TACC1: variants seen among roughly 807,000 people sequenced by gnomAD.
TACC1 encodes transforming acidic coiled-coil-containing protein 1.
In TACC1, 48 loss-of-function variants were observed where a neutral mutation model predicts 84.4. The observed-to-expected ratio is 0.57, with a 90% CI of 0.45 to 0.72. The LOEUF (loss-of-function observed/expected upper bound fraction) is 0.72, where lower values mean the gene tolerates loss of function less well. TACC1 is among the 30% of genes least tolerant of loss of function. TACC1 has a pLI of 0.00. For synonymous variants in TACC1, 372 were observed against 376.3 expected (o/e 0.99, Z 0.13); for missense variants, 920 against 973.0 (o/e 0.95, Z 0.72).
intron 2 of TACC1, among the ~76,000 whole-genome samples, chr8:38,791,478 G>C (rs1256772406): frequency 5.3e-5 from 8 of 152,154 alleles, no homozygotes; most frequent in African/African-American, 1.7e-4. Flanking sequence ...TGCAACATCC[G>C]GAGCTAGTCC....
At chr8:38,783,425 CTTT>C (rs781284271), upstream of TACC1, among the ~76,000 whole-genome samples, 8 of 141,512 alleles carry the variant, frequency 5.7e-5, no homozygotes, top group Non-Finnish European at 3.1e-5. Flanking sequence ...AGAGTATTTT[CTTT>C]TTTTTTTTTT....
At chr8:38,795,144 T>A (rs535349802) in intron 2 of TACC1, among the ~76,000 whole-genome samples, 17 of 152,344 alleles carry the variant, frequency 1.1e-4, no homozygotes, top group African/African-American at 4.1e-4. Flanking sequence ...AGGAAGCACC[T>A]GCTTCTATAT....
At chr8:38,801,054 A>G (rs1287477613) in intron 2 of TACC1, among the ~76,000 whole-genome samples, 1 of 152,204 alleles carries the variant, frequency 6.6e-6, no homozygotes, top group Non-Finnish European at 1.5e-5. Flanking sequence ...TATATTCTTT[A>G]GAGAAATGTC....
At chr8:38,825,556 CA>C (rs1827856803) in intron 4 of TACC1, among the ~76,000 whole-genome samples, 188 bp downstream of exon 4, 1 of 151,832 alleles carries the variant, frequency 6.6e-6, no homozygotes, top group Non-Finnish European at 1.5e-5. Flanking sequence ...AACCCTTTCA[CA>C]ATGACTCTTT....
At chr8:38,734,392 A>C (rs990650451) in intron 1 of TACC1, among the ~76,000 whole-genome samples, 2 of 152,120 alleles carry the variant, frequency 1.3e-5, no homozygotes, top group Non-Finnish European at 2.9e-5. Context: ...GGGTTTCACC[A>C]TGTTGGCCAG....
chr8:38,832,518 A>G (rs1455145266), intron 6 of TACC1, among the ~76,000 whole-genome samples: 1 of 152,256 alleles, frequency 6.6e-6, no homozygotes, highest in Non-Finnish European at 1.5e-5. Flanking sequence ...AAAACATTGA[A>G]TGAAAAAATC....
chr8:38,822,547 AATAG>A (rs1217510096), intron 3 of TACC1, among the ~76,000 whole-genome samples: 2 of 152,134 alleles, frequency 1.3e-5, no homozygotes, highest in East Asian at 1.9e-4. Context: ...TTCCTTCAAT[AATAG>A]ATTAAGTTTA....
At chr8:38,803,327 C>T (rs907851249) in intron 2 of TACC1, among the ~76,000 whole-genome samples, 3 of 152,184 alleles carry the variant, frequency 2.0e-5, no homozygotes, top group Non-Finnish European at 4.4e-5. Flanking sequence ...CAAGAGCTGA[C>T]ATTTTTGTCT....
intron 12 of TACC1, 99 bp downstream of exon 12, chr8:38,846,918 G>T: frequency 7.0e-7 from 1 of 1,424,600 alleles, no homozygotes; most frequent in African/African-American, 1.4e-5. Context: ...AGAGGCCTTG[G>T]CTTTCTACTC....
In TACC1 at chr8:38,846,685, A is replaced by G; in HGVS notation, c.2229-14A>G. The stretch of plus-strand genomic sequence containing the variant: ...GCTTTTTGTCTCTTTATTACACCCA[A>G]ACACCATAAACAGAGCCAATGAAGA... On this transcript the variant is annotated splice_polypyrimidine_tract_variant and intron_variant, in intron 11 of 12. Transcript: ENST00000317827. The G allele has an allele frequency of 6.2e-7, 1 of 1,613,958 alleles. No individual in the cohort carries two copies. The highest frequency in any genetic ancestry group is 1.1e-5 in the South Asian group (1 of 91,070).
In TACC1 at chr8:38,751,981, G is replaced by A. The variant is rs116031272; in HGVS notation, c.26+6488G>A. 9.9e-3 allele frequency among the ~76,000 whole-genome samples: 1,501 copies of A among 152,190 alleles called. 12 individuals are homozygous for A. The highest frequency in any genetic ancestry group is 0.031 in the Middle Eastern group (9 of 294). The stretch of plus-strand genomic sequence containing the variant: ...TTTTTTTCCTGGTGCTATGAGGCCC[G>A]AATGTGGTTACTTTCGTTAACCACC... On this transcript the variant is annotated intron_variant, in intron 3 of 14. Coordinates refer to the TACC1 transcript ENST00000518415.
chr8:38,788,876 T>C, intron 2 of TACC1, 57 bp downstream of exon 2: 1 of 1,384,964 alleles, frequency 7.2e-7, no homozygotes. Flanking sequence ...TTGAAAAATA[T>C]CAATGAAGGA....
At chr8:38,831,075 G>T (rs753568276) in intron 5 of TACC1, 50 bp from the exon 6 acceptor site, 1 of 1,593,558 alleles carries the variant, frequency 6.3e-7, no homozygotes, top group Admixed American at 1.7e-5. Flanking sequence ...CACTAGGGAG[G>T]AAAGGAACCG....
At chr8:38,767,938 G>A (rs1251022146) in intron 3 of TACC1, among the ~76,000 whole-genome samples, 1 of 151,932 alleles carries the variant, frequency 6.6e-6, no homozygotes, top group Non-Finnish European at 1.5e-5. Flanking sequence ...ATGTGTTGTC[G>A]GCGCCTGTGG....
chr8:38,807,329 T>C (rs1823006651), intron 2 of TACC1, among the ~76,000 whole-genome samples: 1 of 152,178 alleles, frequency 6.6e-6, no homozygotes, highest in African/African-American at 2.4e-5. Context: ...ATATTGTTTA[T>C]GTGTTTTGAG....
chr8:38,825,182 G>T, intron 3 of TACC1, 126 bp from the exon 4 acceptor site: 1 of 963,854 alleles, frequency 1.0e-6, no homozygotes, highest in East Asian at 2.4e-5. Flanking sequence ...CTGCGGCGAT[G>T]TATGATTTGT....
chr8:38,748,962 A>G (rs1808536546), intron 3 of TACC1, among the ~76,000 whole-genome samples: 1 of 152,152 alleles, frequency 6.6e-6, no homozygotes, highest in Admixed American at 6.5e-5. Flanking sequence ...TCAATGAATT[A>G]GAGAACGAAA....
In TACC1 at chr8:38,846,679, C is replaced by G; in HGVS notation, c.2229-20C>G. ...TCATGTGCTTTTTGTCTCTTTATTA[C>G]ACCCAAACACCATAAACAGAGCCAA... On this transcript the variant is annotated intron_variant, in intron 11 of 12. Transcript: ENST00000317827. 1 of 1,613,326 alleles carries G rather than the reference C, an allele frequency of 6.2e-7. No homozygotes were observed. Among genetic ancestry groups the G allele is most frequent in the Non-Finnish European group, 8.5e-7 (1 of 1,179,598 alleles).
At chr8:38,832,638 A>G (rs1829485122) in intron 6 of TACC1, among the ~76,000 whole-genome samples, 1 of 152,230 alleles carries the variant, frequency 6.6e-6, no homozygotes, top group Admixed American at 6.5e-5. Flanking sequence ...AGGCCAGAGT[A>G]CAATCAGTGG....
Sources: allele counts gnomAD v4.1 joint callset (sites outside exome capture counted in the v4.1 genomes callset), GRCh38; gene constraint gnomAD v4.1.1; transcripts MANE v1.5; gene names NCBI Gene and HGNC (gene_info 2026-07-23, HGNC 2026-07-21).